The following BMP1 variants were observed in gnomAD, a reference collection of about 807,000 sequenced individuals.
BMP1 encodes bone morphogenetic protein 1, also known as mammalian tolloid protein.
In BMP1, 63 loss-of-function variants were observed where a neutral mutation model predicts 116.8. The ratio of observed to expected loss-of-function variants is 0.54; its 90% CI spans 0.44 to 0.67. BMP1 has a LOEUF of 0.67. Ranked by LOEUF, BMP1 falls within the 30% of genes least tolerant of loss-of-function variation. The probability of loss-of-function intolerance (pLI) is 0.00; values close to 1 mark genes in which losing one functional copy is unlikely to be tolerated. For missense variants in BMP1, 1,183 were observed against 1,358.9 expected, an observed-to-expected ratio of 0.87 and a Z score of 2.04; for synonymous variants, 536 against 533.4, an observed-to-expected ratio of 1.00 and a Z score of -0.07.
In BMP1 at chr8:22,212,040, G is replaced by T. The variant is rs1829471345; in HGVS notation, c.*312G>T. On this transcript the variant is annotated 3_prime_UTR_variant, in exon 20 of 20. Coordinates refer to ENST00000306385, the MANE Select transcript of BMP1 (RefSeq NM_006129.5). ...GAGGGAATGTCAGCAGGACCCCATC[G>T]CCATCCCTGTGTCTCTACACGCTGT... is the stretch of plus-strand genomic sequence containing the variant. 2 of 419,492 alleles carry T rather than the reference G, an allele frequency of 4.8e-6. No homozygotes were observed. Among genetic ancestry groups the T allele is most frequent in the Admixed American group, 6.9e-5 (2 of 28,784 alleles). The allele number at this position is 419,492 out of a possible 1,614,324, so 26.0% of individuals were successfully genotyped here. A position where few individuals can be genotyped will look rare whatever the true frequency, so the allele number is the denominator to read the frequency against.
chr8:22,169,703 T>C (rs1243942666), intron 1 of BMP1: 3 of 152,240 alleles, frequency 2.0e-5, no homozygotes, highest in African/African-American at 7.2e-5. Flanking sequence ...CCTGCACATA[T>C]AGCCTTGGGG....
At chr8:22,202,941 G>A (rs1829292533) in intron 16 of BMP1, among the ~76,000 whole-genome samples, 1 of 150,304 alleles carries the variant, frequency 6.7e-6, no homozygotes, top group African/African-American at 2.5e-5. Context: ...GTCTGGGGAG[G>A]CTGAGGCTGC....
intron 15 of BMP1, chr8:22,198,923 A>G (rs968793072): frequency 6.5e-6 from 8 of 1,225,928 alleles, no homozygotes; most frequent in African/African-American, 3.2e-5. Flanking sequence ...GGTGCTCACC[A>G]GAGGGTTGAG....
intron 5 of BMP1, 43 bp from the exon 6 acceptor site, chr8:22,177,809 C>T: frequency 1.4e-6 from 2 of 1,450,552 alleles, no homozygotes; most frequent in African/African-American, 2.8e-5. Context: ...CAGGCAGACC[C>T]ACCCCCTCCT....
At chr8:22,197,550 C>T in intron 15 of BMP1, 130 bp downstream of exon 15, 1 of 998,804 alleles carries the variant, frequency 1.0e-6, no homozygotes. Flanking sequence ...GCCCCCTGCT[C>T]CCCACCACTT....
chr8:22,200,102 C>T (rs566355293), intron 15 of BMP1, among the ~76,000 whole-genome samples: 83 of 152,342 alleles, frequency 5.4e-4, no homozygotes, highest in Non-Finnish European at 1.1e-3. Context: ...CCTCATCTTC[C>T]CTGGCTATGC....
At chr8:22,196,943 A>G (rs1477243472) in intron 14 of BMP1, 103 bp downstream of exon 14, 4 of 1,390,216 alleles carry the variant, frequency 2.9e-6, no homozygotes, top group African/African-American at 2.9e-5. Context: ...CGGCAGAAAC[A>G]CTCTGCAAAT....
chr8:22,185,939 G>C (rs1198794219), intron 8 of BMP1, among the ~76,000 whole-genome samples: 2 of 148,582 alleles, frequency 1.3e-5, no homozygotes, highest in Non-Finnish European at 3.0e-5. Context: ...GGGTTCAAGT[G>C]ATTCTCCTGC....
intron 8 of BMP1, among the ~76,000 whole-genome samples, chr8:22,185,998 G>T (rs1175340694): frequency 6.6e-6 from 1 of 152,038 alleles, no homozygotes; most frequent in Non-Finnish European, 1.5e-5. Flanking sequence ...ACCACGCCCG[G>T]CTAATTTTTG....
At position 22,201,829 on chromosome 8, in the gene BMP1, G is replaced by C; in HGVS notation, c.2134G>C (p.Gly712Arg). 6.2e-7 allele frequency: 1 copy of C among 1,613,156 alleles called. No homozygotes were observed. Residue 712 changes from glycine to arginine, a missense_variant, in exon 16 of 20, where the codon GGC becomes CGC. Physicochemically the swap from Gly to Arg is moderately radical, Grantham distance 125 (BLOSUM62 -2). Transcript: ENST00000306385. ...CAAGGACGAGTGCTCCAAGGATAACGGCGGCTGCCAGCAGGACTGCGTCAA... is the reference window on the plus strand; with the variant it reads ...CAAGGACGAGTGCTCCAAGGATAACCGCGGCTGCCAGCAGGACTGCGTCAA... ...SDKDECSKDN[G>R]GCQQDCVNTF...
At position 22,196,748 on chromosome 8, in the gene BMP1, C is replaced by T. The variant is rs1424662279; in HGVS notation, c.1834C>T (p.Pro612Ser). 12 of 1,613,858 alleles carry T rather than the reference C, an allele frequency of 7.4e-6. No individual in the cohort carries two copies. The highest frequency in any genetic ancestry group is 1.0e-5 in the Non-Finnish European group (12 of 1,179,972). Residue 612 changes from proline to serine, a missense_variant, in exon 14 of 20, where the codon CCC becomes TCC. Around this residue, in one of 4 missense-constraint regions of BMP1, gnomAD observed 956 missense variants for 1,135.2 expected, o/e 0.84. Coordinates refer to ENST00000306385, the MANE Select transcript of BMP1 (RefSeq NM_006129.5). ...CAGCCCGGGCTGGCCCAAGGAGTACCCCCCCAACAAGAACTGCATCTGGCA... is the reference window on the plus strand; with the variant it reads ...CAGCCCGGGCTGGCCCAAGGAGTACTCCCCCAACAAGAACTGCATCTGGCA... ...ITSPGWPKEY[P>S]PNKNCIWQLV... is the part of the protein sequence containing the mutation.
At chr8:22,174,449 G>C (rs1828372079) in intron 2 of BMP1, among the ~76,000 whole-genome samples, 1 of 152,066 alleles carries the variant, frequency 6.6e-6, no homozygotes. Flanking sequence ...ATGGATACAG[G>C]AATGGGAGGG....
At chr8:22,202,613 C>G (rs185783724) in intron 16 of BMP1, among the ~76,000 whole-genome samples, 17 of 152,058 alleles carry the variant, frequency 1.1e-4, no homozygotes, top group African/African-American at 1.9e-4. Flanking sequence ...TTTGGGAGGC[C>G]GAGGCAGGAG....
intron 16 of BMP1, among the ~76,000 whole-genome samples, chr8:22,205,870 G>A (rs1486114235): frequency 6.6e-6 from 1 of 152,230 alleles, no homozygotes; most frequent in Non-Finnish European, 1.5e-5. Flanking sequence ...CCACAGAGGG[G>A]TGATGTGTTT....
At chr8:22,201,398 A>G (rs962837225) in intron 15 of BMP1, 73 of 1,441,564 alleles carry the variant, frequency 5.1e-5, no homozygotes, top group Non-Finnish European at 6.3e-5. Context: ...CCCGTGCCCT[A>G]CCCCCTCCCA....
chr8:22,192,099 G>C lies in BMP1; in HGVS notation c.1128G>C (p.Trp376Cys). The change falls in exon 9 of 20, where the codon TGG becomes TGC. Residue 376 changes from tryptophan (W) to cysteine (C), a missense_variant. Transcript: ENST00000306385. ...ACCTGTACCGCAGCCGCCTGTGCTG[G>C]TACGACTATGTGGAGGTCCGAGATG... is the stretch of plus-strand genomic sequence containing the variant. Reference protein sequence around the residue: ...SLDLYRSRLCWYDYVEVRDGF... With the variant: ...SLDLYRSRLCCYDYVEVRDGF... 1 of 1,613,994 alleles carries C rather than the reference G, an allele frequency of 6.2e-7. No homozygotes were observed. Among genetic ancestry groups the C allele is most frequent in the South Asian group, 1.1e-5 (1 of 91,078 alleles).
chr8:22,178,558 G>A (rs774700066), intron 6 of BMP1, among the ~76,000 whole-genome samples: 10 of 146,302 alleles, frequency 6.8e-5, no homozygotes, highest in Non-Finnish European at 8.9e-5. Context: ...TTACAGGCGC[G>A]AGCCACCAAT....
rs200412717 is a variant in BMP1, at chr8:22,180,350, C to T, written c.962-18C>T. ...TTTGGCGCCTGCAGCCCTGCCCTGT[C>T]ATTTCCTTTCCTCACAGCCTGTGGA... On this transcript the variant is annotated intron_variant, in intron 7 of 19. Coordinates refer to ENST00000306385, the MANE Select transcript of BMP1 (RefSeq NM_006129.5). 1 of 1,600,140 alleles carries T rather than the reference C, an allele frequency of 6.2e-7. No homozygotes were observed. The highest frequency in any genetic ancestry group is 8.6e-7 in the Non-Finnish European group (1 of 1,167,608).
chr8:22,178,164 C>A (rs778536333), intron 6 of BMP1, among the ~76,000 whole-genome samples: 12 of 152,252 alleles, frequency 7.9e-5, no homozygotes, highest in Non-Finnish European at 1.3e-4. Flanking sequence ...AGGGCCTTAC[C>A]ACCGTGTGCA....
Sources: allele counts gnomAD v4.1 joint callset (sites outside exome capture counted in the v4.1 genomes callset), GRCh38; gene constraint gnomAD v4.1.1; regional missense constraint gnomAD v4.1.1; transcripts MANE v1.5; gene names NCBI Gene and HGNC (gene_info 2026-07-23, HGNC 2026-07-21).